SGCD: variants seen among roughly 807,000 people sequenced by gnomAD.
SGCD encodes the protein sarcoglycan delta.
In SGCD, 18 loss-of-function variants were observed where a neutral mutation model predicts 36.6. That is an observed-to-expected ratio of 0.49 (90% CI 0.34 to 0.73). The LOEUF (loss-of-function observed/expected upper bound fraction) is 0.73, where lower values mean the gene tolerates loss of function less well. SGCD is among the 30% of genes least tolerant of loss of function. The probability of loss-of-function intolerance (pLI) is 0.01; values close to 1 mark genes in which losing one functional copy is unlikely to be tolerated. For missense variants in SGCD, 387 were observed against 346.7 expected, an observed-to-expected ratio of 1.12 and a Z score of -0.92; for synonymous variants, 133 against 130.6, an observed-to-expected ratio of 1.02 and a Z score of -0.12.
At chr5:156,381,913 TG>T (rs1771001124) in intron 3 of SGCD, among the ~76,000 whole-genome samples, 1 of 152,218 alleles carries the variant, frequency 6.6e-6, no homozygotes, top group African/African-American at 2.4e-5. Flanking sequence ...ATTCCTCCTA[TG>T]GGTGTTAGAT....
intron 3 of SGCD, among the ~76,000 whole-genome samples, chr5:156,265,258 C>T (rs556662933): frequency 8.5e-5 from 13 of 152,196 alleles, no homozygotes; most frequent in Non-Finnish European, 1.5e-4. Flanking sequence ...TTATGCTCTG[C>T]CCCCCTAGTC....
intron 7 of SGCD, among the ~76,000 whole-genome samples, chr5:156,687,080 C>T (rs1192535208): frequency 6.6e-6 from 1 of 152,148 alleles, no homozygotes; most frequent in Non-Finnish European, 1.5e-5. Flanking sequence ...GCTACAATCT[C>T]CTGGGAACTG....
the SGCD span, among the ~76,000 whole-genome samples, chr5:155,858,803 A>C: frequency 2.0e-5 from 3 of 152,116 alleles, no homozygotes; most frequent in South Asian, 2.1e-4. Flanking sequence ...GCTTCTTAGA[A>C]TCTCTGACCC....
At chr5:156,640,933 T>G (rs935420601) in intron 6 of SGCD, among the ~76,000 whole-genome samples, 3 of 152,196 alleles carry the variant, frequency 2.0e-5, no homozygotes, top group African/African-American at 7.2e-5. Context: ...GAAAGTTACT[T>G]TCTAGCATCT....
At chr5:156,442,740 A>G (rs1022897822) in intron 3 of SGCD, among the ~76,000 whole-genome samples, 3 of 152,220 alleles carry the variant, frequency 2.0e-5, no homozygotes, top group Non-Finnish European at 2.9e-5. Context: ...AAGTTAATAA[A>G]CATACTTTGT....
At chr5:156,176,223 G>A (rs564825449) in intron 3 of SGCD, among the ~76,000 whole-genome samples, 16 of 151,972 alleles carry the variant, frequency 1.1e-4, no homozygotes, top group Non-Finnish European at 1.8e-4. Flanking sequence ...ATAGTAGTGC[G>A]TTCTCCTATT....
intron 3 of SGCD, among the ~76,000 whole-genome samples, chr5:156,182,418 C>T (rs1233334680): frequency 6.6e-6 from 1 of 151,986 alleles, no homozygotes; most frequent in East Asian, 1.9e-4. Flanking sequence ...TGGTGAAACC[C>T]CATCTCTACA....
chr5:155,895,856 G>A (rs1756239708), intron 1 of SGCD, among the ~76,000 whole-genome samples: 3 of 152,344 alleles, frequency 2.0e-5, no homozygotes, highest in Admixed American at 6.5e-5. Context: ...AATAGGCAAA[G>A]TGAAGCCTCA....
At chr5:156,056,313 C>T (rs1760054679) in intron 1 of SGCD, among the ~76,000 whole-genome samples, 1 of 145,928 alleles carries the variant, frequency 6.9e-6, no homozygotes, top group African/African-American at 2.5e-5. Flanking sequence ...CCCTTTCTTG[C>T]CTGGGGACCA....
intron 3 of SGCD, among the ~76,000 whole-genome samples, chr5:156,443,470 C>A (rs1162831336): frequency 2.6e-5 from 4 of 152,134 alleles, no homozygotes; most frequent in Non-Finnish European, 5.9e-5. Flanking sequence ...GTGTGTCTCT[C>A]TCACTATTGT....
chr5:156,053,157 A>G (rs1162411978), intron 1 of SGCD, among the ~76,000 whole-genome samples: 1 of 146,644 alleles, frequency 6.8e-6, no homozygotes, highest in Non-Finnish European at 1.5e-5. Flanking sequence ...TGGGGCATTT[A>G]CAACCACTAC....
intron 3 of SGCD, among the ~76,000 whole-genome samples, chr5:156,242,859 A>C (rs1229131004): frequency 6.6e-6 from 1 of 152,196 alleles, no homozygotes; most frequent in Admixed American, 6.5e-5. Context: ...GATTCTGCAC[A>C]GAATCCCAGA....
chr5:156,412,844 G>A lies in SGCD; in HGVS notation c.192+68167G>A, dbSNP rs945779469. Among the ~76,000 whole-genome samples, 33 of 148,750 alleles carry A rather than the reference G, an allele frequency of 2.2e-4. No homozygotes were observed. The South Asian group carries it at 5.7e-3, about 26-fold the overall frequency. ...CGCTCTGTCGCCCAGGCCGGACTGC[G>A]GACTGCAGTGGCGCAATCTCGGCTC... On this transcript the variant is annotated intron_variant, in intron 3 of 8. Transcript: ENST00000337851.
chr5:156,439,080 G>A (rs2127794254), intron 3 of SGCD, among the ~76,000 whole-genome samples: 1 of 152,240 alleles, frequency 6.6e-6, no homozygotes, highest in Middle Eastern at 3.4e-3. Context: ...TCTTTCCCTA[G>A]GTCATGAAAA....
chr5:155,776,518 T>C, the SGCD span, among the ~76,000 whole-genome samples: 2 of 152,118 alleles, frequency 1.3e-5, no homozygotes, highest in Non-Finnish European at 2.9e-5. Context: ...TATTATAAAA[T>C]CCTTAGGATG....
At chr5:156,397,889 C>G (rs1050842871) in intron 3 of SGCD, among the ~76,000 whole-genome samples, 1 of 152,114 alleles carries the variant, frequency 6.6e-6, no homozygotes, top group African/African-American at 2.4e-5. Context: ...CTGTTGTTCT[C>G]CATCTCTCTT....
At chr5:156,279,789 C>T (rs1344681958) in intron 3 of SGCD, among the ~76,000 whole-genome samples, 1 of 152,054 alleles carries the variant, frequency 6.6e-6, no homozygotes, top group Non-Finnish European at 1.5e-5. Context: ...CATGACTCCC[C>T]TACACATGGA....
chr5:156,362,412 C>T (rs1207823592), intron 3 of SGCD, among the ~76,000 whole-genome samples: 1 of 152,168 alleles, frequency 6.6e-6, no homozygotes, highest in Admixed American at 6.5e-5. Flanking sequence ...CTTTGGGAGG[C>T]CCAGGCGGGC....
chr5:156,537,407 A>G (rs1224243641), intron 4 of SGCD, among the ~76,000 whole-genome samples: 1 of 149,150 alleles, frequency 6.7e-6, no homozygotes, highest in Non-Finnish European at 1.5e-5. Context: ...AAGATATCAG[A>G]TTGGATTCAC....
Sources: allele counts gnomAD v4.1 joint callset (sites outside exome capture counted in the v4.1 genomes callset), GRCh38; gene constraint gnomAD v4.1.1; transcripts MANE v1.5; gene names NCBI Gene and HGNC (gene_info 2026-07-23, HGNC 2026-07-21).